The following ADAM10 variants were observed in gnomAD, a reference collection of about 807,000 sequenced individuals.
The protein encoded by ADAM10 is ADAM metallopeptidase domain 10.
ADAM10 carries 17 observed loss-of-function variants against 90.1 expected under a neutral mutation model. That is an observed-to-expected ratio of 0.19 (90% CI 0.13 to 0.28). The LOEUF (loss-of-function observed/expected upper bound fraction) is 0.28, where lower values mean the gene tolerates loss of function less well. Ranked by LOEUF, ADAM10 falls within the 10% of genes least tolerant of loss-of-function variation. The pLI is 1.00. For synonymous variants in ADAM10, 310 were observed against 298.6 expected (o/e 1.04, Z -0.40); for missense variants, 610 against 914.3 (o/e 0.67, Z 4.29).
At chr15:58,746,691 G>A (rs1899802547) in intron 1 of ADAM10, among the ~76,000 whole-genome samples, 1 of 152,162 alleles carries the variant, frequency 6.6e-6, no homozygotes, top group Admixed American at 6.5e-5. Flanking sequence ...TAGGTGGGTC[G>A]CTAGGGACGA....
chr15:58,737,069 A>G (rs1380588152), intron 1 of ADAM10, among the ~76,000 whole-genome samples: 4 of 152,156 alleles, frequency 2.6e-5, no homozygotes, highest in Non-Finnish European at 5.9e-5. Flanking sequence ...TTGTCACAGG[A>G]GAGCTTAGGA....
intron 11 of ADAM10, among the ~76,000 whole-genome samples, chr15:58,619,378 C>T (rs1895712461): frequency 6.6e-6 from 1 of 152,010 alleles, no homozygotes; most frequent in South Asian, 2.1e-4. Context: ...GGTACAAACA[C>T]ATAGAAGGAA....
chr15:58,675,793 A>AT (rs1374709705), intron 4 of ADAM10, among the ~76,000 whole-genome samples: 1 of 152,206 alleles, frequency 6.6e-6, no homozygotes, highest in Non-Finnish European at 1.5e-5. Flanking sequence ...GGTTCTATAC[A>AT]TTTATGCCTT....
At position 58,590,574 on chromosome 15, in the gene ADAM10, C is replaced by T. The variant is rs1894804280; in HGVS notation, c.*6973G>A. ...AAAGAGGAAAATGGTTAACAGGTCA[C>T]TTCACTTAATTACAGATGCTACTAG... On this transcript the variant is annotated 3_prime_UTR_variant, in exon 16 of 16. Transcript: ENST00000260408. 1 of 152,180 alleles carries T rather than the reference C, an allele frequency of 6.6e-6. No individual in the cohort carries two copies. Among genetic ancestry groups the T allele is most frequent in the Admixed American group, 6.5e-5 (1 of 15,274 alleles). 9.4% of individuals were successfully genotyped at this position (152,180 alleles called of 1,614,324 possible).
chr15:58,600,199 CA>C (rs1253559673), intron 14 of ADAM10, among the ~76,000 whole-genome samples: 2 of 152,172 alleles, frequency 1.3e-5, no homozygotes, highest in African/African-American at 4.8e-5. Context: ...TATGAGTGTG[CA>C]AACCCAATCA....
chr15:58,636,047 C>A (rs1053487800), intron 8 of ADAM10, among the ~76,000 whole-genome samples: 3 of 152,142 alleles, frequency 2.0e-5, no homozygotes, highest in Non-Finnish European at 2.9e-5. Flanking sequence ...GTGGCGGCGG[C>A]AGGCGGATCA....
chr15:58,616,173 A>C (rs1422616341), intron 11 of ADAM10, among the ~76,000 whole-genome samples: 4 of 152,234 alleles, frequency 2.6e-5, no homozygotes, highest in Non-Finnish European at 5.9e-5. Flanking sequence ...CAACTCCAAT[A>C]AAGTAACGGT....
chr15:58,675,830 G>A (rs1167071442), intron 4 of ADAM10, among the ~76,000 whole-genome samples: 2 of 152,102 alleles, frequency 1.3e-5, no homozygotes, highest in South Asian at 2.1e-4. Context: ...ATTAAGAAGA[G>A]GGTAGCCAAA....
rs576166235 is a variant in ADAM10 at position 58,673,121 on chromosome 15, G to C, written c.484+6003C>G. Among the ~76,000 whole-genome samples the C allele has an allele frequency of 1.6e-4, 25 of 152,124 alleles. 1 individual carries two copies. Among genetic ancestry groups the C allele is most frequent in the African/African-American group, 6.0e-4 (25 of 41,494 alleles). On this transcript the variant is annotated intron_variant, in intron 4 of 15. Transcript: ENST00000260408. ...CCCATCCTTGACAGTCAGTTGATGA[G>C]AGAGCATAAAGAAAAAAAAATACAG...
intron 1 of ADAM10, among the ~76,000 whole-genome samples, chr15:58,747,052 C>A (rs1461435049): frequency 6.6e-6 from 1 of 152,166 alleles, no homozygotes; most frequent in Non-Finnish European, 1.5e-5. Context: ...AGAGACATAT[C>A]ATACTCTGAA....
intron 2 of ADAM10, among the ~76,000 whole-genome samples, chr15:58,716,259 T>A (rs1210355089): frequency 6.6e-6 from 1 of 152,186 alleles, no homozygotes; most frequent in African/African-American, 2.4e-5. Flanking sequence ...TGCAATATAA[T>A]GGATAATACC....
chr15:58,629,999 C>T (rs1411641263), intron 9 of ADAM10, among the ~76,000 whole-genome samples: 1 of 152,068 alleles, frequency 6.6e-6, no homozygotes, highest in East Asian at 1.9e-4. Context: ...GTCTCGAACT[C>T]CTGGGCTCAA....
intron 13 of ADAM10, chr15:58,610,734 C>A: frequency 1.5e-6 from 1 of 650,380 alleles, no homozygotes; most frequent in Admixed American, 2.4e-5. Context: ...GACTCAGTGT[C>A]CACGATGACT....
chr15:58,720,018 C>G (rs935130215), intron 1 of ADAM10, among the ~76,000 whole-genome samples: 10 of 152,166 alleles, frequency 6.6e-5, no homozygotes, highest in Non-Finnish European at 1.2e-4. Context: ...CACACTGAAG[C>G]CAAGAATTCA....
chr15:58,696,007 T>C (rs1897968399), intron 2 of ADAM10, among the ~76,000 whole-genome samples: 1 of 152,094 alleles, frequency 6.6e-6, no homozygotes, highest in African/African-American at 2.4e-5. Flanking sequence ...TCCCAGCTAC[T>C]TGGGAAGCTG....
chr15:58,722,644 T>C (rs1898892457), intron 1 of ADAM10, among the ~76,000 whole-genome samples: 1 of 151,798 alleles, frequency 6.6e-6, no homozygotes. Context: ...TGTAACATTA[T>C]GTTTGTAGCT....
intron 2 of ADAM10, among the ~76,000 whole-genome samples, chr15:58,708,468 C>G (rs1898372402): frequency 6.6e-6 from 1 of 152,052 alleles, no homozygotes; most frequent in African/African-American, 2.4e-5. Flanking sequence ...TCGAGACCGG[C>G]CCGGGCAACA....
rs1003744586 is a variant in ADAM10 at position 58,592,844 on chromosome 15, A to C, written c.*4703T>G. ...CATAATTTTTATCAATGTCCCTCAA[A>C]AAACCTTTACCCCAACAATTCCACT... On this transcript the variant is annotated 3_prime_UTR_variant, in exon 16 of 16. Transcript: ENST00000260408. 1 of 151,070 alleles carries C rather than the reference A, an allele frequency of 6.6e-6. No homozygotes were observed. Among genetic ancestry groups the C allele is most frequent in the Middle Eastern group, 3.4e-3 (1 of 290 alleles). 9.4% of individuals were successfully genotyped at this position (151,070 alleles called of 1,614,324 possible). A position where few individuals can be genotyped will look rare whatever the true frequency, so the allele number is the denominator to read the frequency against.
intron 2 of ADAM10, 115 bp from the exon 3 acceptor site, chr15:58,682,429 T>G: frequency 1.4e-6 from 2 of 1,456,060 alleles, no homozygotes; most frequent in Non-Finnish European, 1.8e-6. Flanking sequence ...AATTTGTCTA[T>G]TTGTGAAATA....
Sources: allele counts gnomAD v4.1 joint callset (sites outside exome capture counted in the v4.1 genomes callset), GRCh38; gene constraint gnomAD v4.1.1; transcripts MANE v1.5; gene names NCBI Gene and HGNC (gene_info 2026-07-23, HGNC 2026-07-21).